The following KDM6A variants were observed in gnomAD, a reference collection of about 807,000 sequenced individuals.
KDM6A encodes the protein lysine demethylase 6A, also known as lysine-specific demethylase 6A.
KDM6A carries 11 observed loss-of-function variants against 117.6 expected under a neutral mutation model. The observed-to-expected ratio is 0.09, with a 90% CI of 0.06 to 0.15. The LOEUF (loss-of-function observed/expected upper bound fraction) is 0.15, where lower values mean the gene tolerates loss of function less well. KDM6A is among the 10% of genes least tolerant of loss of function. The probability of loss-of-function intolerance (pLI) is 1.00; values close to 1 mark genes in which losing one functional copy is unlikely to be tolerated. For synonymous variants in KDM6A, 384 were observed against 396.1 expected (o/e 0.97, Z 0.36); for missense variants, 799 against 1,077.3 (o/e 0.74, Z 3.62).
chrX:44,989,983 TAAAAA>T (rs911835719), intron 4 of KDM6A, among the ~76,000 whole-genome samples: 1 of 111,505 alleles, frequency 9.0e-6, no homozygotes, highest in Non-Finnish European at 1.9e-5. Context: ...TCCCAGGCCT[TAAAAA>T]AAGGATTTGG....
chrX:45,035,672 T>A (rs2042780009), intron 7 of KDM6A, among the ~76,000 whole-genome samples: 1 of 108,499 alleles, frequency 9.2e-6, no homozygotes, highest in South Asian at 4.1e-4. Flanking sequence ...AAAACCTTCT[T>A]ACTTGAAAAA....
At chrX:45,006,163 G>GT (rs1556091130) in intron 4 of KDM6A, among the ~76,000 whole-genome samples, 2 of 72,743 alleles carry the variant, frequency 2.7e-5, no homozygotes, top group African/African-American at 1.1e-4. Flanking sequence ...CCAGCCCTGC[G>GT]CCCCCCCCCG....
intron 2 of KDM6A, among the ~76,000 whole-genome samples, chrX:44,878,802 A>G (rs982951256): frequency 9.1e-6 from 1 of 110,112 alleles, no homozygotes; most frequent in African/African-American, 3.3e-5. Flanking sequence ...GCTCACTGCA[A>G]CCTCGGTCTT....
intron 2 of KDM6A, 86 bp from the exon 3 acceptor site, chrX:44,961,198 A>G (rs1030177895): frequency 1.6e-6 from 1 of 622,872 alleles, no homozygotes; most frequent in African/African-American, 2.2e-5. Flanking sequence ...AGGTGATCGA[A>G]TGGAGGCTAT....
intron 21 of KDM6A, 93 bp downstream of exon 21, chrX:45,079,444 A>C: frequency 4.7e-5 from 29 of 614,217 alleles, no homozygotes; most frequent in Non-Finnish European, 7.2e-5. Flanking sequence ...TATGCATCTC[A>C]TCATTTTATG....
chrX:44,980,320 C>T (rs984681457), intron 4 of KDM6A, among the ~76,000 whole-genome samples: 1 of 111,405 alleles, frequency 9.0e-6, no homozygotes, highest in Non-Finnish European at 1.9e-5. Flanking sequence ...TATTCTTTTT[C>T]AAAATTGCTT....
At chrX:44,992,478 C>T (rs138385733) in intron 4 of KDM6A, among the ~76,000 whole-genome samples, 395 of 109,412 alleles carry the variant, frequency 3.6e-3, no homozygotes, top group African/African-American at 0.012. Context: ...CCCACCTTGG[C>T]CCCCAAAGTG....
intron 4 of KDM6A, among the ~76,000 whole-genome samples, chrX:44,990,109 A>C (rs1049832601): frequency 8.9e-6 from 1 of 112,409 alleles, no homozygotes; most frequent in Non-Finnish European, 1.9e-5. Context: ...TGCGTTTGCA[A>C]CAGTTAGCAC....
chrX:44,888,450 A>G (rs2033078202), intron 2 of KDM6A, among the ~76,000 whole-genome samples: 1 of 112,369 alleles, frequency 8.9e-6, no homozygotes, highest in Admixed American at 9.5e-5. Flanking sequence ...TAGCACCACA[A>G]TTTTGTAGCT....
At chrX:45,046,398 C>G (rs1327017210) in intron 8 of KDM6A, among the ~76,000 whole-genome samples, 1 of 111,583 alleles carries the variant, frequency 9.0e-6, no homozygotes, top group Non-Finnish European at 1.9e-5. Context: ...GGTGAAGATG[C>G]CTACTATTTC....
rs748738487 is a variant in KDM6A at position 45,076,689 on chromosome X, T to C, written c.2859-8T>C. ...TACAACTGATTATCCCTTTTTTTTTTTTTCCAGGAATCTAGGTAAAAATGG... is the reference window on the plus strand; with the variant it reads ...TACAACTGATTATCCCTTTTTTTTTCTTTCCAGGAATCTAGGTAAAAATGG... On this transcript the variant is annotated splice_polypyrimidine_tract_variant and splice_region_variant and intron_variant, in intron 18 of 29. Transcript: ENST00000611820. 2 of 1,144,887 alleles carry C rather than the reference T, an allele frequency of 1.7e-6. No homozygotes were observed. Among genetic ancestry groups the C allele is most frequent in the South Asian group, 3.7e-5 (2 of 54,103 alleles). 94.4% of individuals were successfully genotyped at this position (1,144,887 alleles called of 1,213,427 possible).
chrX:44,917,006 C>T lies in KDM6A; in HGVS notation c.225+43019C>T, dbSNP rs758809451. 9.4e-5 allele frequency among the ~76,000 whole-genome samples: 10 copies of T among 106,375 alleles called. No homozygotes were observed. The East Asian group carries it at 1.2e-3, about 13-fold the overall frequency. The allele number at this position is 106,375 out of a possible 115,157, so 92.4% of individuals were successfully genotyped here. On this transcript the variant is annotated intron_variant, in intron 2 of 29. Coordinates refer to ENST00000611820, the MANE Select transcript of KDM6A (RefSeq NM_001291415.2). ...CATGATTGCTATTTCTGTGATGACA[C>T]GGTCTGTCTATATACTCACTTTTTT...
At chrX:45,070,543 G>A (rs1042934142) in intron 18 of KDM6A, among the ~76,000 whole-genome samples, 186 bp downstream of exon 18, 15 of 111,399 alleles carry the variant, frequency 1.3e-4, no homozygotes, top group Non-Finnish European at 2.8e-4. Flanking sequence ...AAGTATTCCT[G>A]TAAATTGCTT....
At chrX:45,086,009 C>A in intron 25 of KDM6A, 30 bp downstream of exon 25, 1 of 901,742 alleles carries the variant, frequency 1.1e-6, no homozygotes, top group Non-Finnish European at 1.6e-6. Context: ...TTTCTTAAAA[C>A]ATATATTAGA....
At chrX:45,062,332 G>C (rs921965198) in intron 15 of KDM6A, among the ~76,000 whole-genome samples, 2 of 112,098 alleles carry the variant, frequency 1.8e-5, no homozygotes, top group African/African-American at 6.5e-5. Flanking sequence ...TAGCATACTT[G>C]TCAATATATT....
chrX:44,894,474 C>T (rs1261083567), intron 2 of KDM6A, among the ~76,000 whole-genome samples: 2 of 110,721 alleles, frequency 1.8e-5, no homozygotes, highest in Admixed American at 9.7e-5. Context: ...TTTATGAACT[C>T]AGAATTGTTC....
At chrX:44,975,805 A>G (rs1367096868) in intron 4 of KDM6A, among the ~76,000 whole-genome samples, 1 of 111,942 alleles carries the variant, frequency 8.9e-6, no homozygotes, top group East Asian at 2.8e-4. Flanking sequence ...TGTTTACACC[A>G]GATGTTTTGT....
chrX:44,945,799 A>G (rs2030959280), intron 2 of KDM6A, among the ~76,000 whole-genome samples: 1 of 111,887 alleles, frequency 8.9e-6, no homozygotes, highest in African/African-American at 3.3e-5. Flanking sequence ...GCTTTTTCAA[A>G]TTAGTGGAGC....
At chrX:44,902,689 A>G (rs148692303) in intron 2 of KDM6A, among the ~76,000 whole-genome samples, 1,405 of 112,096 alleles carry the variant, frequency 0.013, 15 homozygotes, top group Non-Finnish European at 0.021. Context: ...TGCCCGGCCT[A>G]TTTACATTAT....
Sources: allele counts gnomAD v4.1 joint callset (sites outside exome capture counted in the v4.1 genomes callset), GRCh38; gene constraint gnomAD v4.1.1; transcripts MANE v1.5; gene names NCBI Gene and HGNC (gene_info 2026-07-23, HGNC 2026-07-21).